The following SALL1 variants were observed in gnomAD, a reference collection of about 807,000 sequenced individuals.
The protein encoded by SALL1 is spalt like transcription factor 1, also known as sal-like protein 1.
SALL1 carries 10 observed loss-of-function variants against 73.1 expected under a neutral mutation model. That is an observed-to-expected ratio of 0.14 (90% CI 0.08 to 0.23). The LOEUF is 0.23. SALL1 is among the 10% of genes least tolerant of loss of function. SALL1 has a pLI of 1.00. For missense variants in SALL1, 1,520 were observed against 1,697.3 expected (o/e 0.90, Z 1.84); for synonymous variants, 688 against 689.8 (o/e 1.00, Z 0.04).
At chr16:51,143,939 A>T (rs1458164093) in intron 1 of SALL1, among the ~76,000 whole-genome samples, 1 of 152,170 alleles carries the variant, frequency 6.6e-6, no homozygotes, top group Non-Finnish European at 1.5e-5. Flanking sequence ...AATACCAATA[A>T]TGATTTGGTT....
rs1305658369 is a variant in SALL1 at position 51,138,884 on chromosome 16, A to T, written c.3338T>A (p.Leu1113Gln). ...AACTGGGGATGTGGCAGAGGAAGACAGAGGCCCAGACGGGACGTGACTGGT... is the reference window on the plus strand; with the variant it reads ...AACTGGGGATGTGGCAGAGGAAGACTGAGGCCCAGACGGGACGTGACTGGT... ...TPTSHVPSGPLSSSATSPVLL... is the reference protein window; with the variant it reads ...TPTSHVPSGPQSSSATSPVLL... The change falls in exon 2 of 3, where the codon CTG (leucine) becomes CAG (glutamine). Residue 1113 changes from leucine to glutamine, a missense_variant. Leu to Gln is a moderately radical substitution (Grantham distance 113, BLOSUM62 -2). Coordinates refer to ENST00000251020, the MANE Select transcript of SALL1 (RefSeq NM_002968.3). The T allele has an allele frequency of 2.5e-6, 4 of 1,614,238 alleles. No individual in the cohort carries two copies. Among genetic ancestry groups the T allele is most frequent in the Non-Finnish European group, 3.4e-6 (4 of 1,180,050 alleles).
chr16:51,138,221 GTTA>G (rs1265151282), intron 2 of SALL1, among the ~76,000 whole-genome samples: 2 of 152,138 alleles, frequency 1.3e-5, no homozygotes, highest in Non-Finnish European at 2.9e-5. Flanking sequence ...GAGCAGTGAC[GTTA>G]TTGTTTTTAG....
chr16:51,151,244 T>C lies in SALL1; in HGVS notation c.-3A>G, dbSNP rs1384288240. ...TTCGCTTGCTTCCTCCGCGACATGC[T>C]GGCTCAAACATCAGCTGGGGCAGAA... On this transcript the variant is annotated 5_prime_UTR_variant, in exon 1 of 3. Transcript: ENST00000251020. 1.3e-6 allele frequency: 2 copies of C among 1,596,218 alleles called. No individual in the cohort carries two copies. The highest frequency in any genetic ancestry group is 1.3e-5 in the African/African-American group (1 of 74,504).
chr16:51,142,194 A>C lies in SALL1; in HGVS notation c.77-49T>G, dbSNP rs374485030. Reference sequence around the variant, plus strand: ...GATTAGAAAAGGGGCCAGGACACACAGTCACCTATGACTTAAAAAAAAAAA... The same window carrying C: ...GATTAGAAAAGGGGCCAGGACACACCGTCACCTATGACTTAAAAAAAAAAA... On this transcript the variant is annotated intron_variant, in intron 1 of 2. Transcript: ENST00000251020. The C allele has an allele frequency of 2.1e-6, 3 of 1,401,576 alleles. No individual in the cohort carries two copies. In the African/African-American group the frequency reaches 4.2e-5, roughly 20 times the overall value. 86.8% of individuals were successfully genotyped at this position (1,401,576 alleles called of 1,614,324 possible).
intron 2 of SALL1, 26 bp downstream of exon 2, chr16:51,138,662 G>A: frequency 6.3e-7 from 1 of 1,598,164 alleles, no homozygotes. Flanking sequence ...TGATGGAGCA[G>A]GTATGGTGCA....
At chr16:51,143,440 A>G (rs1362368633) in intron 1 of SALL1, 2 of 293,058 alleles carry the variant, frequency 6.8e-6, no homozygotes, top group East Asian at 2.1e-4. Flanking sequence ...TGTTTAATTC[A>G]AGGATTACCT....
rs1368173922 is a variant in SALL1, at chr16:51,139,392, T to C, written c.2830A>G (p.Ile944Val). ...STQEFHKSPSIEEKPQRAVPS... is the reference protein window; with the variant it reads ...STQEFHKSPSVEEKPQRAVPS... ...ACCGCTCTCTGTGGTTTCTCCTCAATGCTGGGTGACTTGTGGAACTCCTGC... is the reference window on the plus strand; with the variant it reads ...ACCGCTCTCTGTGGTTTCTCCTCAACGCTGGGTGACTTGTGGAACTCCTGC... The change falls in exon 2 of 3, where the codon ATT becomes GTT. Residue 944 changes from isoleucine to valine, a missense_variant. This residue lies in a region of SALL1 where 266 missense variants were observed against 275.1 expected (regional missense o/e 0.97). Transcript: ENST00000251020. 3 of 1,614,058 alleles carry C rather than the reference T, an allele frequency of 1.9e-6. No individual in the cohort carries two copies. The highest frequency in any genetic ancestry group is 2.2e-5 in the South Asian group (2 of 91,072).
In SALL1 at chr16:51,141,744, C is replaced by T. The variant is rs199760974; in HGVS notation, c.478G>A (p.Gly160Ser). 2,214 of 1,579,924 alleles carry T rather than the reference C, an allele frequency of 1.4e-3. 1 individual carries two copies. Among genetic ancestry groups the T allele is most frequent in the Non-Finnish European group, 1.8e-3 (2,081 of 1,156,142 alleles). Reference sequence around the variant, plus strand: ...CCTGTGGAGGAGCTGCCGCCGCCGCCGCTGCTGCTGCTGCTGCTGCTGCTG... The same window carrying T: ...CCTGTGGAGGAGCTGCCGCCGCCGCTGCTGCTGCTGCTGCTGCTGCTGCTG... ...SSSSSSSSSS[G>S]GGGSSSTGTS... The change falls in exon 2 of 3, where the codon GGC becomes AGC. Residue 160 changes from glycine (G) to serine (S), a missense_variant. Physicochemically the swap from Gly to Ser is moderately conservative, Grantham distance 56. Around this residue, in one of 7 missense-constraint regions of SALL1, gnomAD observed 540 missense variants for 567.5 expected, o/e 0.95. Transcript: ENST00000251020. This position sits in a 1 kb window ranked among gnomAD's most constrained non-coding sequence, Gnocchi z 5.4.
intron 1 of SALL1, among the ~76,000 whole-genome samples, chr16:51,145,067 G>T (rs1962494994): frequency 6.8e-6 from 1 of 148,064 alleles, no homozygotes; most frequent in African/African-American, 2.5e-5. Context: ...TCTGCATTCG[G>T]AACAAAATTC....
chr16:51,148,995 A>G (rs1432369740), intron 1 of SALL1, among the ~76,000 whole-genome samples: 1 of 152,196 alleles, frequency 6.6e-6, no homozygotes, highest in Non-Finnish European at 1.5e-5. Context: ...AGCTTTTGCG[A>G]AGAAAAAAGA....
In SALL1 at chr16:51,137,103, C is replaced by T. The variant is rs753566942; in HGVS notation, c.*9G>A. 23 of 1,613,868 alleles carry T rather than the reference C, an allele frequency of 1.4e-5. No homozygotes were observed. The highest frequency in any genetic ancestry group is 1.6e-4 in the Middle Eastern group (1 of 6,084). ...AGGAATGAATGCTATGTCTCCAGCCCGAGCTGCTTTAACTCGTGACGATCT... is the reference window on the plus strand; with the variant it reads ...AGGAATGAATGCTATGTCTCCAGCCTGAGCTGCTTTAACTCGTGACGATCT... On this transcript the variant is annotated 3_prime_UTR_variant, in exon 3 of 3. Coordinates refer to ENST00000251020, the MANE Select transcript of SALL1 (RefSeq NM_002968.3).
intron 2 of SALL1, among the ~76,000 whole-genome samples, 158 bp downstream of exon 2, chr16:51,138,530 C>G (rs1445796861): frequency 1.3e-5 from 2 of 152,136 alleles, no homozygotes; most frequent in Admixed American, 6.5e-5. Flanking sequence ...GCACCCTCTC[C>G]CCCATTTCTC....
chr16:51,138,349 C>A (rs1309915464), intron 2 of SALL1, among the ~76,000 whole-genome samples: 9 of 116,018 alleles, frequency 7.8e-5, no homozygotes, highest in East Asian at 2.6e-4. Context: ...TTAATCAATA[C>A]CCCATGGCAA....
chr16:51,138,608 C>G (rs1962352807), intron 2 of SALL1, 80 bp downstream of exon 2: 2 of 1,529,052 alleles, frequency 1.3e-6, no homozygotes, highest in East Asian at 4.5e-5. Flanking sequence ...GCTGATGACT[C>G]TGGGGGCATG....
At chr16:51,144,983 A>G (rs1046418700) in intron 1 of SALL1, among the ~76,000 whole-genome samples, 1 of 152,036 alleles carries the variant, frequency 6.6e-6, no homozygotes, top group Non-Finnish European at 1.5e-5. Context: ...ACATCCCCAA[A>G]ATACTGGTAT....
intron 1 of SALL1, chr16:51,150,645 G>C: frequency 3.4e-6 from 3 of 886,382 alleles, no homozygotes; most frequent in Non-Finnish European, 4.1e-6. Flanking sequence ...CGTGGGGGCA[G>C]GGGGGCGCAG....
At chr16:51,148,767 A>G (rs545830848) in intron 1 of SALL1, among the ~76,000 whole-genome samples, 5 of 152,320 alleles carry the variant, frequency 3.3e-5, no homozygotes, top group African/African-American at 1.2e-4. Flanking sequence ...TACTAATATT[A>G]TTACAACACA....
upstream of SALL1, chr16:51,152,188 G>A (rs2143483446): frequency 6.6e-6 from 1 of 152,192 alleles, no homozygotes; most frequent in Admixed American, 6.5e-5. Context: ...TTGGGAACCT[G>A]ATGGGTTTGT....
chr16:51,150,974 G>A, intron 1 of SALL1, 192 bp downstream of exon 1: 1 of 415,974 alleles, frequency 2.4e-6, no homozygotes, highest in Non-Finnish European at 4.2e-6. Flanking sequence ...CCCCGGGGCA[G>A]CGGGGGAAAG....
Sources: allele counts gnomAD v4.1 joint callset (sites outside exome capture counted in the v4.1 genomes callset), GRCh38; gene constraint gnomAD v4.1.1; regional missense constraint gnomAD v4.1.1; non-coding constraint Gnocchi (gnomAD v3.1); transcripts MANE v1.5; gene names NCBI Gene and HGNC (gene_info 2026-07-23, HGNC 2026-07-21).